The following MRPL20 variants were observed in gnomAD, a reference collection of about 807,000 sequenced individuals.
MRPL20 encodes large ribosomal subunit protein bL20m.
Under a neutral mutation model 20.0 loss-of-function variants are expected in MRPL20, and 21 were observed. The ratio of observed to expected loss-of-function variants is 1.05; its 90% CI spans 0.74 to 1.51. MRPL20 has a LOEUF of 1.51. Among genes scored for constraint, MRPL20 ranks in the 40% most tolerant of loss-of-function variants. MRPL20 has a pLI of 0.00. For missense variants in MRPL20, 252 were observed against 185.6 expected, an observed-to-expected ratio of 1.36 and a Z score of -2.08; for synonymous variants, 104 against 73.0, an observed-to-expected ratio of 1.43 and a Z score of -2.17.
At chr1:1,405,426 G>C (rs1645373495) in intron 3 of MRPL20, 1 of 586,802 alleles carries the variant, frequency 1.7e-6, no homozygotes, top group African/African-American at 1.9e-5. Context: ...ACATGTCTCT[G>C]TACCACCACA....
Position 1,406,963 on chromosome 1 carries a change from T to C in MRPL20, c.144A>G (p.Arg48=), listed in dbSNP as rs1376999576. ...CYRLAVRTVI[R]AFVKCTKARY... ...GGGCTTTGGTGCATTTCACAAAGGC[T>C]CGAATCACGGTTCTGACCGCCAACC... is the stretch of plus-strand genomic sequence containing the variant. The change falls in exon 2 of 4, where the codon CGA becomes CGG. Residue 48 remains arginine, a synonymous_variant. Coordinates refer to ENST00000344843, the MANE Select transcript of MRPL20 (RefSeq NM_017971.4). The C allele has an allele frequency of 6.2e-7, 1 of 1,613,840 alleles. No individual in the cohort carries two copies. Among genetic ancestry groups the C allele is most frequent in the Non-Finnish European group, 8.5e-7 (1 of 1,179,788 alleles).
intron 2 of MRPL20, 22 bp from the exon 3 acceptor site, chr1:1,405,908 A>G (rs768687578): frequency 1.3e-6 from 2 of 1,597,228 alleles, no homozygotes; most frequent in South Asian, 1.1e-5. Context: ...AAACATGAAG[A>G]TACTTAAAAA....
intron 3 of MRPL20, 62 bp from the exon 4 acceptor site, chr1:1,402,318 G>C: frequency 3.3e-6 from 5 of 1,529,128 alleles, no homozygotes; most frequent in Non-Finnish European, 4.4e-6. Flanking sequence ...GCTCCGCGTG[G>C]TTGCGGCGCT....
At chr1:1,402,395 G>C in intron 3 of MRPL20, 139 bp from the exon 4 acceptor site, 1 of 1,407,836 alleles carries the variant, frequency 7.1e-7, no homozygotes, top group Non-Finnish European at 9.2e-7. Context: ...TCCTATCTGG[G>C]TGGCACAGCA....
intron 3 of MRPL20, among the ~76,000 whole-genome samples, chr1:1,403,446 G>C (rs1473321276): frequency 6.6e-6 from 1 of 151,850 alleles, no homozygotes; most frequent in Non-Finnish European, 1.5e-5. Flanking sequence ...GTTTCACCAT[G>C]TTAGCCAGGA....
At chr1:1,403,353 C>T (rs953739056) in intron 3 of MRPL20, among the ~76,000 whole-genome samples, 3 of 151,574 alleles carry the variant, frequency 2.0e-5, no homozygotes, top group Non-Finnish European at 4.4e-5. Context: ...ATGCCATTCT[C>T]CTGCCTCAGC....
At chr1:1,407,067 G>T in intron 1 of MRPL20, 48 bp from the exon 2 acceptor site, 1 of 1,608,886 alleles carries the variant, frequency 6.2e-7, no homozygotes, top group Non-Finnish European at 8.5e-7. Context: ...GCCCGCGCCG[G>T]CCGCCCCTTG....
At position 1,401,915 on chromosome 1, in the gene MRPL20, GTGTT is replaced by G; in HGVS notation, c.*164_*167del. Reference sequence around the variant, plus strand: ...AGAAAATGACTCTAAAAACTGAAGAGTGTTTGAGTTTCATTCACACAAAACATGG... The same window carrying G: ...AGAAAATGACTCTAAAAACTGAAGAGTGAGTTTCATTCACACAAAACATGG... On this transcript the variant is annotated 3_prime_UTR_variant, in exon 4 of 4. Coordinates refer to ENST00000344843, the MANE Select transcript of MRPL20 (RefSeq NM_017971.4). 3 of 781,814 alleles carry G rather than the reference GTGTT, an allele frequency of 3.8e-6. No individual in the cohort carries two copies. Among genetic ancestry groups the G allele is most frequent in the Admixed American group, 5.9e-5 (2 of 34,058 alleles). The allele number at this position is 781,814 out of a possible 1,614,324, so 48.4% of individuals were successfully genotyped here. A position where few individuals can be genotyped will look rare whatever the true frequency, so the allele number is the denominator to read the frequency against.
chr1:1,406,794 G>T, intron 2 of MRPL20, 115 bp downstream of exon 2: 1 of 877,236 alleles, frequency 1.1e-6, no homozygotes, highest in Non-Finnish European at 1.9e-6. Context: ...TCGAAGCAAG[G>T]TATGAAAGGA....
At chr1:1,402,457 A>G (rs1240709) in intron 3 of MRPL20, 353,265 of 1,337,312 alleles carry the variant, frequency 0.26, 76,441 homozygotes, top group East Asian at 0.99. Context: ...GGGTGAGGGA[A>G]GCACCTGTGG....
intron 3 of MRPL20, chr1:1,402,643 C>T (rs1439065785): frequency 6.0e-6 from 6 of 999,860 alleles, no homozygotes; most frequent in African/African-American, 1.7e-5. Flanking sequence ...GTGAACAATG[C>T]CAGAGTTTAA....
chr1:1,402,398 G>A, intron 3 of MRPL20, 142 bp from the exon 4 acceptor site: 1 of 1,403,018 alleles, frequency 7.1e-7, no homozygotes, highest in South Asian at 1.6e-5. Context: ...TATCTGGGTG[G>A]CACAGCAGAG....
intron 3 of MRPL20, chr1:1,402,554 G>C: frequency 8.8e-7 from 1 of 1,136,312 alleles, no homozygotes; most frequent in Non-Finnish European, 1.1e-6. Flanking sequence ...CACCCTGACT[G>C]AGCTGACTGC....
intron 3 of MRPL20, among the ~76,000 whole-genome samples, chr1:1,404,695 T>C (rs1645366799): frequency 6.6e-6 from 1 of 151,650 alleles, no homozygotes; most frequent in Non-Finnish European, 1.5e-5. Context: ...AGAGACCGGG[T>C]TTCACCTGTT....
In MRPL20 at chr1:1,402,164, C is replaced by T. The variant is rs758504325; in HGVS notation, c.369G>A (p.Arg123=). 4 of 1,614,142 alleles carry T rather than the reference C, an allele frequency of 2.5e-6. No individual in the cohort carries two copies. In the Admixed American group the frequency reaches 5.0e-5, roughly 20 times the overall value. The change falls in exon 4 of 4, where the codon AGG becomes AGA. Residue 123 remains arginine, a synonymous_variant. Transcript: ENST00000344843. ...AGGCAGCAGCAAATCCTTCGTGTCG[C>T]CTCCTACTGGCCAAGGCAGCCAAAG... The part of the protein sequence containing the change: ...FKSLAALASR[R]RHEGFAAALG...
At chr1:1,405,395 G>C (rs1645373237) in intron 3 of MRPL20, 1 of 547,538 alleles carries the variant, frequency 1.8e-6, no homozygotes, top group Admixed American at 3.3e-5. Flanking sequence ...CCCTGCTTCA[G>C]ACTCCTCAGT....
rs1025363716 is a variant in MRPL20, at chr1:1,401,980, G to C, written c.*103C>G. 6.2e-6 allele frequency: 8 copies of C among 1,294,390 alleles called. No individual in the cohort carries two copies. Among genetic ancestry groups the C allele is most frequent in the Non-Finnish European group, 8.6e-6 (8 of 934,544 alleles). The allele number at this position is 1,294,390 out of a possible 1,614,324, so 80.2% of individuals were successfully genotyped here. On this transcript the variant is annotated 3_prime_UTR_variant, in exon 4 of 4. Transcript: ENST00000344843. ...TGAGGCTCTGTCCCAGAGAGACAGGGCCATCCCTCATGTCTGTTATTGGGT... is the reference window on the plus strand; with the variant it reads ...TGAGGCTCTGTCCCAGAGAGACAGGCCCATCCCTCATGTCTGTTATTGGGT...
Position 1,405,867 on chromosome 1 carries a change from G to C in MRPL20, c.218C>G (p.Thr73Arg), listed in dbSNP as rs779478327. 6.2e-7 allele frequency: 1 copy of C among 1,613,416 alleles called. No individual in the cohort carries two copies. Among genetic ancestry groups the C allele is most frequent in the East Asian group, 2.2e-5 (1 of 44,888 alleles). Residue 73 changes from threonine to arginine, a missense_variant, in exon 3 of 4, where the codon ACA becomes AGA. Thr to Arg is a moderately conservative substitution (Grantham distance 71). Coordinates refer to ENST00000344843, the MANE Select transcript of MRPL20 (RefSeq NM_017971.4). ...NMRTLWINRI[T>R]AASQEHGLKY... The stretch of plus-strand genomic sequence containing the variant: ...CAGTCCATGTTCCTGGCTAGCAGCT[G>C]TAATTCGATTAATCCAGAGCTGAAA...
rs767164930 is a variant in MRPL20 at position 1,405,922 on chromosome 1, C to T, written c.199-36G>A. 3.1e-6 allele frequency: 5 copies of T among 1,590,692 alleles called. 1 individual carries two copies. In the South Asian group the frequency reaches 5.7e-5, roughly 18 times the overall value. ...AAAACATGAAGATACTTAAAAATGA[C>T]TTCTGGATGTTATGTCCCAGCAAAG... On this transcript the variant is annotated intron_variant, in intron 2 of 3. Transcript: ENST00000344843.
Sources: allele counts gnomAD v4.1 joint callset (sites outside exome capture counted in the v4.1 genomes callset), GRCh38; gene constraint gnomAD v4.1.1; transcripts MANE v1.5; gene names NCBI Gene and HGNC (gene_info 2026-07-23, HGNC 2026-07-21).